Variants in PIGZ observed in about 807,000 individuals in gnomAD.
PIGZ encodes phosphatidylinositol glycan anchor biosynthesis class Z (Gwada blood group).
In PIGZ, 16 loss-of-function variants were observed where a neutral mutation model predicts 16.4. The ratio of observed to expected loss-of-function variants is 0.97; its 90% CI spans 0.66 to 1.48. PIGZ has a LOEUF of 1.48. Among genes scored for constraint, PIGZ ranks in the 40% most tolerant of loss-of-function variants. PIGZ has a pLI of 0.00. For synonymous variants in PIGZ, 409 were observed against 338.4 expected (o/e 1.21, Z -2.29); for missense variants, 770 against 739.2 (o/e 1.04, Z -0.48).
At position 196,947,380 on chromosome 3, in the gene PIGZ, G is replaced by C. The variant is rs541010694; in HGVS notation, c.1517C>G (p.Pro506Arg). Residue 506 changes from proline (P) to arginine (R), a missense_variant, in exon 3 of 3, where the codon CCA becomes CGA. Pro to Arg is a moderately radical substitution (Grantham distance 103, BLOSUM62 -2). Coordinates refer to ENST00000412723, the MANE Select transcript of PIGZ (RefSeq NM_025163.4). ...CQTLKSFTRQPACQVAGGPWL... is the reference protein window; with the variant it reads ...CQTLKSFTRQRACQVAGGPWL... ...TGGCCCACCAGCCACTTGGCAGGCT[G>C]GTTGTCTGGTGAAGCTTTTCAGGGT... 1.1e-5 allele frequency: 18 copies of C among 1,614,142 alleles called. No homozygotes were observed. In the South Asian group the frequency reaches 1.6e-4, roughly 15 times the overall value.
At chr3:196,952,108 A>G in intron 1 of PIGZ, 77 bp from the exon 2 acceptor site, 1 of 1,315,586 alleles carries the variant, frequency 7.6e-7, no homozygotes, top group Non-Finnish European at 1.1e-6. Flanking sequence ...CTGAAAATGG[A>G]TCTGTCATTT....
At position 196,948,163 on chromosome 3, in the gene PIGZ, C is replaced by G. The variant is rs749854230; in HGVS notation, c.734G>C (p.Gly245Ala). 6.2e-7 allele frequency: 1 copy of G among 1,613,020 alleles called. No individual in the cohort carries two copies. Among genetic ancestry groups the G allele is most frequent in the South Asian group, 1.1e-5 (1 of 90,970 alleles). Residue 245 changes from glycine (G) to alanine (A), a missense_variant, in exon 3 of 3, where the codon GGA becomes GCA. Transcript: ENST00000412723. ...AGACTTCAAACCAGGGTTTGTGGCT[C>G]CACGAGTGCCCCAGAGGTAGAGGGG... ...VVPLYLWGTR[G>A]ATNPGLKSLT...
rs73893710 is a variant in PIGZ, at chr3:196,965,081, A to G, written c.-1+3606T>C. Among the ~76,000 whole-genome samples, 722 of 152,306 alleles carry G rather than the reference A, an allele frequency of 4.7e-3. 8 individuals are homozygous for G. Among genetic ancestry groups the G allele is most frequent in the African/African-American group, 0.017 (688 of 41,560 alleles). On this transcript the variant is annotated intron_variant, in intron 1 of 2. Transcript: ENST00000412723. The surrounding 1 kb of genome is among the most constrained non-coding windows in gnomAD (Gnocchi z 4.2). ...TGAGCCCTGTCCCCATGCTCCCTAC[A>G]GCAATGAGGAAACTACCATGTATTA... is the stretch of plus-strand genomic sequence containing the variant.
Position 196,955,320 on chromosome 3 carries a change from G to A in PIGZ, c.1-3289C>T, listed in dbSNP as rs1717436772. Among the ~76,000 whole-genome samples the A allele has an allele frequency of 2.0e-5, 3 of 152,092 alleles. No individual in the cohort carries two copies. The South Asian group carries it at 6.2e-4, about 32-fold the overall frequency. Reference sequence around the variant, plus strand: ...AACTAGCTCATGAAATAGTTGACTTGTCTAATTTTCCTTGTAATTCTGTCA... The same window carrying A: ...AACTAGCTCATGAAATAGTTGACTTATCTAATTTTCCTTGTAATTCTGTCA... On this transcript the variant is annotated intron_variant, in intron 1 of 2. Coordinates refer to ENST00000412723, the MANE Select transcript of PIGZ (RefSeq NM_025163.4).
In PIGZ at chr3:196,948,729, G is replaced by T. The variant is rs546475303; in HGVS notation, c.212-44C>A. ...GTGAGCCAGTACCAAGCTCAGGGAT[G>T]TAGTGGGCAAAATTCTAGGAGGGCA... On this transcript the variant is annotated intron_variant, in intron 2 of 2. Coordinates refer to ENST00000412723, the MANE Select transcript of PIGZ (RefSeq NM_025163.4). 73 of 1,397,376 alleles carry T rather than the reference G, an allele frequency of 5.2e-5. No individual in the cohort carries two copies. In the East Asian group the frequency reaches 1.6e-3, roughly 30 times the overall value. The allele number at this position is 1,397,376 out of a possible 1,614,324, so 86.6% of individuals were successfully genotyped here.
chr3:196,952,393 T>C (rs1490919806), intron 1 of PIGZ, among the ~76,000 whole-genome samples: 2 of 152,320 alleles, frequency 1.3e-5, no homozygotes, highest in East Asian at 3.9e-4. Flanking sequence ...TCTGGCAGTG[T>C]CTATAAGGGT....
In PIGZ at chr3:196,947,554, G is replaced by A; in HGVS notation, c.1343C>T (p.Ala448Val). 1 of 1,613,794 alleles carries A rather than the reference G, an allele frequency of 6.2e-7. No homozygotes were observed. The highest frequency in any genetic ancestry group is 1.1e-5 in the South Asian group (1 of 91,080). Reference sequence around the variant, plus strand: ...GGTGGGTGTGCTTGGGAGCACAGGGGCATGGACCACCTGCTCCAGGTACTC... The same window carrying A: ...GGTGGGTGTGCTTGGGAGCACAGGGACATGGACCACCTGCTCCAGGTACTC... ...GLEYLEQVVH[A>V]PVLPSTPTHY... Residue 448 changes from alanine (A) to valine (V), a missense_variant, in exon 3 of 3, where the codon GCC becomes GTC. Coordinates refer to ENST00000412723, the MANE Select transcript of PIGZ (RefSeq NM_025163.4).
chr3:196,949,199 G>T (rs1466506414), intron 2 of PIGZ, among the ~76,000 whole-genome samples: 1 of 151,828 alleles, frequency 6.6e-6, no homozygotes, highest in Non-Finnish European at 1.5e-5. Context: ...AATGTGCTGG[G>T]ATTACAGGTT....
chr3:196,952,778 C>A (rs1201126531), intron 1 of PIGZ, among the ~76,000 whole-genome samples: 1 of 152,120 alleles, frequency 6.6e-6, no homozygotes, highest in African/African-American at 2.4e-5. Flanking sequence ...ATCAGCTGCA[C>A]CAGTGTGGGT....
intron 1 of PIGZ, among the ~76,000 whole-genome samples, chr3:196,957,171 TTGTGTGTGTG>T (rs3042833): frequency 2.2e-4 from 33 of 146,702 alleles, no homozygotes; most frequent in Admixed American, 4.1e-4. Flanking sequence ...GCTCCAGGTT[TTGTGTGTGTG>T]TGTGTGTGTG....
rs1717875885 is a variant in PIGZ at position 196,965,136 on chromosome 3, G to A, written c.-1+3551C>T. On this transcript the variant is annotated intron_variant, in intron 1 of 2. Coordinates refer to ENST00000412723, the MANE Select transcript of PIGZ (RefSeq NM_025163.4). The surrounding 1 kb of genome is among the most constrained non-coding windows in gnomAD (Gnocchi z 4.2). ...CCCACACTCCTGGTACCAATTTACT[G>A]TGTTAATCTATTCTCACACTGCTAT... Among the ~76,000 whole-genome samples, 1 of 152,206 alleles carries A rather than the reference G, an allele frequency of 6.6e-6. No homozygotes were observed. The highest frequency in any genetic ancestry group is 1.5e-5 in the Non-Finnish European group (1 of 68,040).
intron 2 of PIGZ, among the ~76,000 whole-genome samples, 190 bp from the exon 3 acceptor site, chr3:196,948,875 C>G (rs1717082961): frequency 2.0e-5 from 1 of 51,138 alleles, no homozygotes; most frequent in South Asian, 4.9e-4. Flanking sequence ...TCCCTTCCTT[C>G]CTTCCCTTCC....
At chr3:196,962,416 T>C (rs866468740) in intron 1 of PIGZ, among the ~76,000 whole-genome samples, 7 of 152,118 alleles carry the variant, frequency 4.6e-5, no homozygotes, top group African/African-American at 1.7e-4. Context: ...AGATGTGGCC[T>C]CGTTGGAAGG....
chr3:196,947,534 G>A lies in PIGZ; in HGVS notation c.1363C>T (p.Pro455Ser). 1 of 1,613,714 alleles carries A rather than the reference G, an allele frequency of 6.2e-7. No homozygotes were observed. Among genetic ancestry groups the A allele is most frequent in the East Asian group, 2.2e-5 (1 of 44,882 alleles). The change falls in exon 3 of 3, where the codon CCC becomes TCC. Residue 455 changes from proline to serine, a missense_variant. Pro to Ser is a moderately conservative substitution (Grantham distance 74, BLOSUM62 -1). Coordinates refer to ENST00000412723, the MANE Select transcript of PIGZ (RefSeq NM_025163.4). Reference protein sequence around the residue: ...VVHAPVLPSTPTHYTLLFTHT... With the variant: ...VVHAPVLPSTSTHYTLLFTHT... ...GTGAAGAGGAGTGTGTAGTGGGTGGGTGTGCTTGGGAGCACAGGGGCATGG... is the reference window on the plus strand; with the variant it reads ...GTGAAGAGGAGTGTGTAGTGGGTGGATGTGCTTGGGAGCACAGGGGCATGG...
intron 1 of PIGZ, among the ~76,000 whole-genome samples, chr3:196,952,492 C>T (rs533607827): frequency 2.0e-5 from 3 of 152,322 alleles, no homozygotes; most frequent in Non-Finnish European, 2.9e-5. Flanking sequence ...GGCTGGAGTG[C>T]GGTGGCATGA....
chr3:196,949,991 A>AT (rs892175977), intron 2 of PIGZ, among the ~76,000 whole-genome samples: 1,643 of 146,280 alleles, frequency 0.011, 27 homozygotes, highest in African/African-American at 0.036. Flanking sequence ...CAATACTTAA[A>AT]TTTTTTTTTT....
At position 196,948,106 on chromosome 3, in the gene PIGZ, C is replaced by T; in HGVS notation, c.791G>A (p.Gly264Glu). Reference protein sequence around the residue: ...LTREALVLLPGAALTAAVFVA... With the variant: ...LTREALVLLPEAALTAAVFVA... ...AAACACCGCTGCTGTGAGGGCTGCC[C>T]CAGGGAGCAGCACCAGGGCCTCCCG... The change falls in exon 3 of 3, where the codon GGG becomes GAG. Residue 264 changes from glycine (G) to glutamate (E), a missense_variant. Gly to Glu is a moderately conservative substitution (Grantham distance 98). Coordinates refer to ENST00000412723, the MANE Select transcript of PIGZ (RefSeq NM_025163.4). The T allele has an allele frequency of 6.3e-7, 1 of 1,595,238 alleles. No individual in the cohort carries two copies. The highest frequency in any genetic ancestry group is 8.6e-7 in the Non-Finnish European group (1 of 1,168,656).
At chr3:196,953,837 C>T (rs979126203) in intron 1 of PIGZ, among the ~76,000 whole-genome samples, 2 of 148,070 alleles carry the variant, frequency 1.4e-5, no homozygotes, top group South Asian at 2.1e-4. Context: ...CCCATTTCTA[C>T]GAAAAAATAG....
chr3:196,955,215 C>G (rs1471427763), intron 1 of PIGZ, among the ~76,000 whole-genome samples: 1 of 152,196 alleles, frequency 6.6e-6, no homozygotes, highest in African/African-American at 2.4e-5. Flanking sequence ...CATGAGCCAC[C>G]TTGCCTGGCC....
Sources: allele counts gnomAD v4.1 joint callset (sites outside exome capture counted in the v4.1 genomes callset), GRCh38; gene constraint gnomAD v4.1.1; non-coding constraint Gnocchi (gnomAD v3.1); transcripts MANE v1.5; gene names NCBI Gene and HGNC (gene_info 2026-07-23, HGNC 2026-07-21).